The following TUT4 variants were observed in gnomAD, a reference collection of about 807,000 sequenced individuals.
TUT4 encodes terminal uridylyl transferase 4, also known as terminal uridylyltransferase 4.
In TUT4, 36 loss-of-function variants were observed where a neutral mutation model predicts 192.2. The observed-to-expected ratio is 0.19, with a 90% confidence interval of 0.14 to 0.25. The LOEUF is 0.25. Ranked by LOEUF, TUT4 falls within the 10% of genes least tolerant of loss-of-function variation. The pLI is 1.00. For synonymous variants in TUT4, 618 were observed against 666.0 expected (o/e 0.93, Z 1.11); for missense variants, 1,493 against 1,957.2 (o/e 0.76, Z 4.47).
intron 1 of TUT4, among the ~76,000 whole-genome samples, chr1:52,536,816 T>G (rs1397419750): frequency 6.6e-6 from 1 of 151,448 alleles, no homozygotes; most frequent in East Asian, 2.0e-4. Context: ...ACTGTGCCAC[T>G]GCACTCCAGC....
rs771163607 is a variant in TUT4, at chr1:52,445,774, A to C, written c.3822+13T>G. 6 of 1,574,094 alleles carry C rather than the reference A, an allele frequency of 3.8e-6. No homozygotes were observed. The highest frequency in any genetic ancestry group is 5.2e-6 in the Non-Finnish European group (6 of 1,153,318). On this transcript the variant is annotated intron_variant, in intron 24 of 29. Coordinates refer to ENST00000257177, the MANE Select transcript of TUT4 (RefSeq NM_001009881.3). ...AAAAGAAAAGATTCACAATTCATAT[A>C]ATGTAAACTTACAGCTTCTCTGCCA...
intron 1 of TUT4, chr1:52,535,168 C>A (rs1191623996): frequency 6.6e-6 from 1 of 151,998 alleles, no homozygotes. Context: ...AAATTTTTTT[C>A]TTCTATCTAC....
intron 15 of TUT4, among the ~76,000 whole-genome samples, chr1:52,467,123 C>T (rs1664452385): frequency 6.6e-6 from 1 of 152,000 alleles, no homozygotes; most frequent in Non-Finnish European, 1.5e-5. Flanking sequence ...CCAGTCTGGG[C>T]AACAGAGTGA....
intron 11 of TUT4, among the ~76,000 whole-genome samples, chr1:52,478,401 G>A (rs72903648): frequency 0.025 from 3,872 of 152,210 alleles, 149 homozygotes; most frequent in African/African-American, 0.085. Context: ...AACCTCCTAT[G>A]TCCCTGACAT....
intron 9 of TUT4, among the ~76,000 whole-genome samples, chr1:52,485,755 G>C (rs896016484): frequency 1.3e-5 from 2 of 151,628 alleles, no homozygotes; most frequent in Non-Finnish European, 2.9e-5. Context: ...TTATAATCTT[G>C]AAGTAAATCA....
intron 27 of TUT4, chr1:52,434,514 G>C (rs1023005730): frequency 6.6e-6 from 1 of 152,106 alleles, no homozygotes; most frequent in Non-Finnish European, 1.5e-5. Context: ...TTACACAAAG[G>C]TTAAGAGCAA....
Position 52,465,139 on chromosome 1 carries a change from C to T in TUT4, c.3000G>A (p.Lys1000=). 6.2e-7 allele frequency: 1 copy of T among 1,613,750 alleles called. No individual in the cohort carries two copies. ...KARLCLFGSS[K]NGFGFRDSDL... ...CACTATCACGAAATCCAAATCCATT[C>T]TTAGAAGAGCCAAATAAGCACAACC... Residue 1000 remains lysine, a synonymous_variant, in exon 16 of 30, where the codon AAG becomes AAA. Transcript: ENST00000257177.
Position 52,505,269 on chromosome 1 carries a change from AT to A in TUT4, c.999+4326del, listed in dbSNP as rs564829233. Among the ~76,000 whole-genome samples, 40 of 151,722 alleles carry A rather than the reference AT, an allele frequency of 2.6e-4. No individual in the cohort carries two copies. In the South Asian group the frequency reaches 7.1e-3, roughly 27 times the overall value. ...GATGATAACTGTTAGTTTTTTGTAGATTTTTTTTAACAGGGTCTCATTATAT... is the reference window on the plus strand; with the variant it reads ...GATGATAACTGTTAGTTTTTTGTAGATTTTTTTAACAGGGTCTCATTATAT... On this transcript the variant is annotated intron_variant, in intron 4 of 29. Transcript: ENST00000257177.
chr1:52,475,662 T>C (rs1176898922), intron 12 of TUT4, 127 bp from the exon 13 acceptor site: 6 of 834,290 alleles, frequency 7.2e-6, no homozygotes, highest in Non-Finnish European at 1.1e-5. Context: ...TTTTCTAAGC[T>C]AGACTCCCAG....
intron 17 of TUT4, 41 bp downstream of exon 17, chr1:52,461,671 A>G: frequency 6.4e-7 from 1 of 1,550,910 alleles, no homozygotes; most frequent in Non-Finnish European, 8.7e-7. Context: ...ATATGCTAAA[A>G]AAATTTATTT....
chr1:52,459,273 G>T (rs1354561200), intron 19 of TUT4, among the ~76,000 whole-genome samples: 1 of 150,938 alleles, frequency 6.6e-6, no homozygotes, highest in African/African-American at 2.4e-5. Flanking sequence ...GCGACAGAGC[G>T]AGACTCCGTC....
chr1:52,505,849 T>G (rs1279809727), intron 4 of TUT4, among the ~76,000 whole-genome samples: 1 of 151,906 alleles, frequency 6.6e-6, no homozygotes, highest in Non-Finnish European at 1.5e-5. Context: ...GTTTTTGTTG[T>G]TTTTTGAGAT....
chr1:52,526,028 C>T lies in TUT4; in HGVS notation c.253G>A (p.Asp85Asn), dbSNP rs756786281. 9.9e-6 allele frequency: 16 copies of T among 1,613,374 alleles called. No individual in the cohort carries two copies. The highest frequency in any genetic ancestry group is 1.4e-5 in the Non-Finnish European group (16 of 1,179,832). The change falls in exon 2 of 30, where the codon GAT (aspartate) becomes AAT (asparagine). Residue 85 changes from aspartate to asparagine, a missense_variant. By Grantham distance (23) the Asp-to-Asn change is conservative. Transcript: ENST00000257177. Reference protein sequence around the residue: ...VNAANLPGPKDLGLVLRDQSH... With the variant: ...VNAANLPGPKNLGLVLRDQSH... ...TGATCTCGAAGGACTAACCCCAAAT[C>T]TTTAGGACCTGGAAGGTTGGCAGCA...
At chr1:52,444,947 A>ATATG (rs57401380) in intron 24 of TUT4, among the ~76,000 whole-genome samples, 43,880 of 147,550 alleles carry the variant, frequency 0.3, 9,456 homozygotes, top group African/African-American at 0.62. Context: ...ATATACATGT[A>ATATG]TGTGTATATA....
intron 20 of TUT4, among the ~76,000 whole-genome samples, chr1:52,457,193 C>CCA (rs1408075176): frequency 6.6e-6 from 1 of 152,040 alleles, no homozygotes; most frequent in Non-Finnish European, 1.5e-5. Flanking sequence ...GGCTATCTGA[C>CCA]ACCTACTATA....
At chr1:52,429,940 A>G (rs1372144917) in intron 28 of TUT4, among the ~76,000 whole-genome samples, 4 of 151,044 alleles carry the variant, frequency 2.6e-5, no homozygotes, top group South Asian at 4.2e-4. Flanking sequence ...GTGTGTATAT[A>G]TGTGTGTGTG....
At position 52,497,203 on chromosome 1, in the gene TUT4, C is replaced by T; in HGVS notation, c.1000-20G>A. The T allele has an allele frequency of 6.4e-7, 1 of 1,558,294 alleles. No homozygotes were observed. The highest frequency in any genetic ancestry group is 1.2e-5 in the South Asian group (1 of 81,490). On this transcript the variant is annotated intron_variant, in intron 4 of 29. Transcript: ENST00000257177. ...TTTTTCCTATTAATGTAATGATTCA[C>T]AACAATAAAAACAAAAAAAGTTTCT... is the stretch of plus-strand genomic sequence containing the variant.
intron 2 of TUT4, among the ~76,000 whole-genome samples, chr1:52,521,868 G>A (rs538049549): frequency 6.6e-6 from 1 of 151,892 alleles, no homozygotes; most frequent in Non-Finnish European, 1.5e-5. Context: ...AGGAGGCTGA[G>A]GCAGGAGAAT....
At chr1:52,501,784 GGAAA>G (rs1186136648) in intron 4 of TUT4, among the ~76,000 whole-genome samples, 1 of 152,008 alleles carries the variant, frequency 6.6e-6, no homozygotes, top group Non-Finnish European at 1.5e-5. Flanking sequence ...ACCTCAAAAA[GGAAA>G]GAAATTCTGA....
Sources: gnomAD v4.1 joint callset for allele counts (sites outside exome capture counted in the v4.1 genomes callset) on GRCh38, gnomAD v4.1.1 for gene constraint, MANE v1.5 for transcripts, NCBI Gene and HGNC (gene_info 2026-07-23, HGNC 2026-07-21) for gene names.